The following INPP4B variants were observed in gnomAD, a reference collection of about 807,000 sequenced individuals.
INPP4B encodes inositol polyphosphate-4-phosphatase type II B, also known as inositol polyphosphate 4-phosphatase type II.
Under a neutral mutation model 122.5 loss-of-function variants are expected in INPP4B, and 55 were observed. That is an observed-to-expected ratio of 0.45 (90% CI 0.36 to 0.56). The LOEUF is 0.56. Ranked by LOEUF, INPP4B falls within the 20% of genes least tolerant of loss-of-function variation. The pLI, the probability that INPP4B is intolerant of heterozygous loss-of-function variation, is 0.00. For synonymous variants in INPP4B, 403 were observed against 388.7 expected, an observed-to-expected ratio of 1.04 and a Z score of -0.43; for missense variants, 1,000 against 1,097.7, an observed-to-expected ratio of 0.91 and a Z score of 1.26.
intron 1 of INPP4B, among the ~76,000 whole-genome samples, chr4:142,837,161 AT>A (rs574353357): frequency 0.021 from 3,084 of 148,758 alleles, 103 homozygotes; most frequent in African/African-American, 0.073. Context: ...AGTCTCAAAA[AT>A]AATAATAATA....
intron 11 of INPP4B, among the ~76,000 whole-genome samples, chr4:142,241,769 T>C (rs1425538252): frequency 2.6e-5 from 4 of 152,156 alleles, no homozygotes; most frequent in East Asian, 1.9e-4. Flanking sequence ...TATCAGTGGG[T>C]TGACTGGACA....
intron 2 of INPP4B, among the ~76,000 whole-genome samples, chr4:142,642,665 C>T (rs1750781169): frequency 6.6e-6 from 1 of 152,160 alleles, no homozygotes; most frequent in Admixed American, 6.5e-5. Context: ...GTTTTGGTTA[C>T]TGTAGCCTTG....
chr4:142,540,175 T>C (rs189491730), intron 2 of INPP4B, among the ~76,000 whole-genome samples: 1 of 152,224 alleles, frequency 6.6e-6, no homozygotes, highest in East Asian at 1.9e-4. Flanking sequence ...AACACTACTT[T>C]ATCATATCAC....
intron 3 of INPP4B, among the ~76,000 whole-genome samples, chr4:142,439,747 G>A (rs940435360): frequency 6.6e-6 from 1 of 152,206 alleles, no homozygotes; most frequent in African/African-American, 2.4e-5. Flanking sequence ...ATGGAGTTGA[G>A]TTGATGACAA....
At chr4:142,604,864 A>G (rs1740883764) in intron 2 of INPP4B, among the ~76,000 whole-genome samples, 2 of 152,150 alleles carry the variant, frequency 1.3e-5, no homozygotes, top group African/African-American at 4.8e-5. Context: ...ATTAGAAAAA[A>G]CAATCCTAAA....
chr4:142,228,919 C>T (rs1422898615), intron 12 of INPP4B, among the ~76,000 whole-genome samples: 2 of 151,430 alleles, frequency 1.3e-5, no homozygotes, highest in Non-Finnish European at 2.9e-5. Context: ...CACAGGTAAT[C>T]AAAAACTATA....
At chr4:142,573,225 GC>G (rs1412837006) in intron 2 of INPP4B, among the ~76,000 whole-genome samples, 1 of 151,886 alleles carries the variant, frequency 6.6e-6, no homozygotes, top group African/African-American at 2.4e-5. Flanking sequence ...GGAGAAATCC[GC>G]CCCCATGATC....
intron 11 of INPP4B, among the ~76,000 whole-genome samples, chr4:142,246,442 T>C (rs1396322897): frequency 1.3e-5 from 2 of 152,138 alleles, no homozygotes; most frequent in Non-Finnish European, 2.9e-5. Flanking sequence ...AGAATGTTTT[T>C]CCATTTGTTT....
chr4:142,291,837 G>A (rs1337882379), intron 9 of INPP4B, among the ~76,000 whole-genome samples: 2 of 152,128 alleles, frequency 1.3e-5, no homozygotes, highest in Non-Finnish European at 2.9e-5. Flanking sequence ...AAAGGAAATT[G>A]TGCTGCATCA....
chr4:142,168,232 A>G (rs2152931390), intron 16 of INPP4B, among the ~76,000 whole-genome samples: 1 of 151,496 alleles, frequency 6.6e-6, no homozygotes, highest in Admixed American at 6.6e-5. Flanking sequence ...TTAAATTTTG[A>G]AAAACTGACC....
At chr4:142,439,820 A>G (rs1419317551) in intron 3 of INPP4B, among the ~76,000 whole-genome samples, 1 of 152,148 alleles carries the variant, frequency 6.6e-6, no homozygotes, top group Non-Finnish European at 1.5e-5. Context: ...TCTACATTCC[A>G]TTCTATCATC....
intron 25 of INPP4B, among the ~76,000 whole-genome samples, chr4:142,075,237 A>G (rs1339181077): frequency 1.3e-5 from 2 of 152,026 alleles, no homozygotes; most frequent in Admixed American, 6.6e-5. Flanking sequence ...ACATATTTCT[A>G]TTAATGACCT....
At chr4:142,423,759 A>AG in intron 5 of INPP4B, 1 of 428,606 alleles carries the variant, frequency 2.3e-6, no homozygotes, top group South Asian at 1.7e-5. Flanking sequence ...CCGCTTCCAT[A>AG]GAAAAAAAAC....
At chr4:142,473,714 G>A (rs2149701040) in intron 2 of INPP4B, among the ~76,000 whole-genome samples, 1 of 152,276 alleles carries the variant, frequency 6.6e-6, no homozygotes, top group South Asian at 2.1e-4. Flanking sequence ...TAACTTGGCT[G>A]GCAGCCACCA....
At chr4:142,485,750 A>G (rs1821122646) in intron 2 of INPP4B, among the ~76,000 whole-genome samples, 2 of 152,162 alleles carry the variant, frequency 1.3e-5, no homozygotes, top group African/African-American at 4.8e-5. Context: ...GTCCAAGGTA[A>G]CATGAATTTA....
At chr4:142,262,530 C>T (rs987683047) in intron 10 of INPP4B, among the ~76,000 whole-genome samples, 2 of 152,160 alleles carry the variant, frequency 1.3e-5, no homozygotes, top group Non-Finnish European at 2.9e-5. Flanking sequence ...CATGCCTAAG[C>T]ACCACCTATT....
chr4:142,796,063 A>C (rs2151077307), intron 1 of INPP4B, among the ~76,000 whole-genome samples: 1 of 152,074 alleles, frequency 6.6e-6, no homozygotes, highest in East Asian at 1.9e-4. Context: ...CTTATTGTTG[A>C]ATTTGGTTAC....
At chr4:142,524,283 A>T (rs986533425) in intron 2 of INPP4B, among the ~76,000 whole-genome samples, 1 of 152,078 alleles carries the variant, frequency 6.6e-6, no homozygotes, top group African/African-American at 2.4e-5. Context: ...ACAGTGTAAA[A>T]GTGTTCCTAT....
intron 15 of INPP4B, among the ~76,000 whole-genome samples, chr4:142,189,157 A>G (rs548182371): frequency 4.1e-4 from 62 of 152,300 alleles, no homozygotes; most frequent in Admixed American, 8.5e-4. Context: ...GTGACTGTGT[A>G]ACCACTGATC....
Sources: allele counts gnomAD v4.1 joint callset (sites outside exome capture counted in the v4.1 genomes callset), GRCh38; gene constraint gnomAD v4.1.1; transcripts MANE v1.5; gene names NCBI Gene and HGNC (gene_info 2026-07-23, HGNC 2026-07-21).